Variants in WWOX observed in about 807,000 individuals in gnomAD.
WWOX encodes the protein WW domain-containing oxidoreductase.
Under a neutral mutation model 46.2 loss-of-function variants are expected in WWOX, and 69 were observed. The observed-to-expected ratio is 1.49, with a 90% CI of 1.23 to 1.82. The LOEUF is 1.82. WWOX is among the 40% of genes most tolerant of loss of function. WWOX has a pLI of 0.00. For missense variants in WWOX, 919 were observed against 542.6 expected (o/e 1.69, Z -6.89); for synonymous variants, 359 against 202.6 (o/e 1.77, Z -6.56).
In WWOX at chr16:78,261,776, CTATCTATCTATCTA is replaced by C. The variant is rs1473013729; in HGVS notation, c.516+97491_516+97504del. Among the ~76,000 whole-genome samples the C allele has an allele frequency of 6.0e-4, 23 of 38,370 alleles. 1 individual carries two copies. Among genetic ancestry groups the C allele is most frequent in the African/African-American group, 3.7e-3 (21 of 5,718 alleles). 25.2% of individuals were successfully genotyped at this position (38,370 alleles called of 152,430 possible). A position where few individuals can be genotyped will look rare whatever the true frequency, so the allele number is the denominator to read the frequency against. ...TCTGTCTATCTATCTATCTATGTAT[CTATCTATCTATCTA>C]TATATATATATATATATATATATAT... is the stretch of plus-strand genomic sequence containing the variant. On this transcript the variant is annotated intron_variant, in intron 5 of 8. Transcript: ENST00000566780.
At chr16:79,103,125 T>G (rs985529894) in intron 8 of WWOX, among the ~76,000 whole-genome samples, 1 of 152,180 alleles carries the variant, frequency 6.6e-6, no homozygotes, top group Admixed American at 6.5e-5. Flanking sequence ...CTGGGCATAT[T>G]TGTTGATCTC....
intron 8 of WWOX, among the ~76,000 whole-genome samples, chr16:78,614,674 G>A (rs900206096): frequency 1.3e-5 from 2 of 152,202 alleles, no homozygotes; most frequent in Admixed American, 6.5e-5. Flanking sequence ...ACAGGGCCTC[G>A]CCTTTTTGAT....
intron 8 of WWOX, among the ~76,000 whole-genome samples, chr16:78,502,979 G>C (rs1469847330): frequency 6.6e-6 from 1 of 152,180 alleles, no homozygotes; most frequent in Non-Finnish European, 1.5e-5. Flanking sequence ...TGCGATCTTT[G>C]ATTACTACAC....
At chr16:78,456,231 G>T (rs1414043226) in intron 8 of WWOX, among the ~76,000 whole-genome samples, 2 of 152,162 alleles carry the variant, frequency 1.3e-5, no homozygotes, top group Non-Finnish European at 2.9e-5. Flanking sequence ...GTTGGGAAGA[G>T]GGACACATTT....
intron 4 of WWOX, among the ~76,000 whole-genome samples, chr16:78,127,597 A>G (rs138491868): frequency 6.6e-6 from 1 of 151,678 alleles, no homozygotes; most frequent in East Asian, 1.9e-4. Flanking sequence ...TTGGGGGAAA[A>G]AGAGAAGGAA....
At chr16:78,535,703 G>C (rs747475501) in intron 8 of WWOX, 1 of 152,186 alleles carries the variant, frequency 6.6e-6, no homozygotes, top group Non-Finnish European at 1.5e-5. Context: ...TTGTTACAAT[G>C]TATGTTGTGG....
intron 6 of WWOX, among the ~76,000 whole-genome samples, chr16:78,413,244 G>A (rs896335668): frequency 6.6e-6 from 1 of 152,178 alleles, no homozygotes; most frequent in South Asian, 2.1e-4. Flanking sequence ...TGGATAGGGA[G>A]CCAGTGAGTG....
chr16:78,543,971 C>G (rs17721176), intron 8 of WWOX, among the ~76,000 whole-genome samples: 1 of 152,038 alleles, frequency 6.6e-6, no homozygotes, highest in Non-Finnish European at 1.5e-5. Flanking sequence ...GATTAGAATA[C>G]TGTGATTAAA....
chr16:78,254,098 A>C (rs894982686), intron 5 of WWOX, among the ~76,000 whole-genome samples: 1 of 150,558 alleles, frequency 6.6e-6, no homozygotes, highest in African/African-American at 2.5e-5. Flanking sequence ...TGAGACAATG[A>C]GTTGTTCTGT....
At chr16:78,734,449 C>T (rs972901558) in intron 8 of WWOX, among the ~76,000 whole-genome samples, 1 of 152,122 alleles carries the variant, frequency 6.6e-6, no homozygotes, top group South Asian at 2.1e-4. Flanking sequence ...CCTATTTAAC[C>T]TGTGCGTCCT....
At chr16:78,309,975 G>A (rs978027009) in intron 5 of WWOX, among the ~76,000 whole-genome samples, 1 of 152,110 alleles carries the variant, frequency 6.6e-6, no homozygotes, top group Non-Finnish European at 1.5e-5. Context: ...TAGAGCCAGG[G>A]TCTGGGCATT....
chr16:78,386,276 C>G (rs2082058336), intron 5 of WWOX, among the ~76,000 whole-genome samples: 1 of 152,308 alleles, frequency 6.6e-6, no homozygotes, highest in South Asian at 2.1e-4. Context: ...ATTCCTATCA[C>G]CAGCATGTAT....
chr16:78,691,371 G>A (rs1027495568), intron 8 of WWOX: 1 of 687,132 alleles, frequency 1.5e-6, no homozygotes, highest in Admixed American at 2.1e-5. Context: ...GTGACAGAAA[G>A]GAAATCTCCT....
At position 79,019,186 on chromosome 16, in the gene WWOX, GAA is replaced by G. The variant is rs112613038; in HGVS notation, c.1057-192413_1057-192412del. Among the ~76,000 whole-genome samples, 320 of 47,052 alleles carry G rather than the reference GAA, an allele frequency of 6.8e-3. 28 individuals carry two copies. Among genetic ancestry groups the G allele is most frequent in the African/African-American group, 0.018 (208 of 11,650 alleles). The allele number at this position is 47,052 out of a possible 152,430, so 30.9% of individuals were successfully genotyped here. Reference sequence around the variant, plus strand: ...AAAAAAAAAAAAAAAAAAAAAAAAAGAAAAAAAAAAGTTGGAATGACATCAGA... The same window carrying G: ...AAAAAAAAAAAAAAAAAAAAAAAAAGAAAAAAAAGTTGGAATGACATCAGA... On this transcript the variant is annotated intron_variant, in intron 8 of 8. Transcript: ENST00000566780.
intron 5 of WWOX, among the ~76,000 whole-genome samples, chr16:78,193,188 A>C (rs1427687820): frequency 1.3e-5 from 2 of 152,236 alleles, no homozygotes; most frequent in African/African-American, 4.8e-5. Context: ...AGTAGCCAAG[A>C]CCAACAGCCA....
At chr16:79,094,486 A>G (rs1343326327) in intron 8 of WWOX, among the ~76,000 whole-genome samples, 1 of 152,080 alleles carries the variant, frequency 6.6e-6, no homozygotes, top group African/African-American at 2.4e-5. Context: ...TCCTGACCTC[A>G]GGCAGTCTGC....
intron 8 of WWOX, among the ~76,000 whole-genome samples, chr16:78,931,619 A>G (rs2045626162): frequency 6.6e-6 from 1 of 152,236 alleles, no homozygotes; most frequent in Non-Finnish European, 1.5e-5. Context: ...TATAAAAGTA[A>G]TTAGGTAAAA....
chr16:78,191,144 G>A (rs543842701), intron 5 of WWOX, among the ~76,000 whole-genome samples: 2 of 152,278 alleles, frequency 1.3e-5, no homozygotes, highest in East Asian at 1.9e-4. Context: ...CAGCTGGACC[G>A]CTAGACCACA....
chr16:79,137,083 G>A (rs546033011), intron 8 of WWOX, among the ~76,000 whole-genome samples: 26 of 152,234 alleles, frequency 1.7e-4, no homozygotes, highest in African/African-American at 1.4e-4. Context: ...AGCTAATTCC[G>A]GTTTCATTAA....
Sources: gnomAD v4.1 joint callset for allele counts (sites outside exome capture counted in the v4.1 genomes callset) on GRCh38, gnomAD v4.1.1 for gene constraint, MANE v1.5 for transcripts, NCBI Gene and HGNC (gene_info 2026-07-23, HGNC 2026-07-21) for gene names.